The following LIN52 variants were observed in gnomAD, a reference collection of about 807,000 sequenced individuals.
The protein encoded by LIN52 is protein lin-52 homolog.
Under a neutral mutation model 18.5 loss-of-function variants are expected in LIN52, and 4 were observed. The ratio of observed to expected loss-of-function variants is 0.22; its 90% CI spans 0.11 to 0.49. LIN52 has a LOEUF of 0.49. Among genes scored for constraint, LIN52 ranks in the 20% least tolerant of loss-of-function variants. The pLI is 0.97. For missense variants in LIN52, 102 were observed against 139.5 expected (o/e 0.73, Z 1.35); for synonymous variants, 34 against 45.5 (o/e 0.75, Z 1.02).
At chr14:74,129,534 A>T (rs1298450468) in intron 5 of LIN52, among the ~76,000 whole-genome samples, 1 of 152,076 alleles carries the variant, frequency 6.6e-6, no homozygotes, top group Non-Finnish European at 1.5e-5. Context: ...TATATGTTGG[A>T]TCCCAGACTG....
At chr14:74,148,040 A>G (rs11159064) in intron 5 of LIN52, among the ~76,000 whole-genome samples, 141,808 of 152,140 alleles carry the variant, frequency 0.93, 66,280 homozygotes, top group African/African-American at 0.98. Context: ...AAGTTATATG[A>G]GAAAAGAAGA....
intron 5 of LIN52, among the ~76,000 whole-genome samples, chr14:74,176,575 G>C (rs1595187037): frequency 6.6e-6 from 1 of 152,228 alleles, no homozygotes; most frequent in Non-Finnish European, 1.5e-5. Context: ...CAGTAGGTTT[G>C]TTGACACCAG....
chr14:74,152,865 C>T (rs576689372), intron 5 of LIN52, among the ~76,000 whole-genome samples: 13 of 147,206 alleles, frequency 8.8e-5, no homozygotes, highest in African/African-American at 3.3e-4. Flanking sequence ...GTGGCTGAGG[C>T]AGGAGAATTG....
chr14:74,142,210 GA>G (rs1566859576), intron 5 of LIN52, among the ~76,000 whole-genome samples: 1 of 151,918 alleles, frequency 6.6e-6, no homozygotes, highest in African/African-American at 2.4e-5. Flanking sequence ...TTTTTAACTC[GA>G]AGCTCTTTAG....
At chr14:74,189,761 G>A (rs2061355613) in intron 5 of LIN52, among the ~76,000 whole-genome samples, 1 of 152,002 alleles carries the variant, frequency 6.6e-6, no homozygotes, top group Non-Finnish European at 1.5e-5. Context: ...CCTGCTTGAT[G>A]TTTTATATTC....
intron 1 of LIN52, among the ~76,000 whole-genome samples, chr14:74,086,934 A>G (rs2060736485): frequency 6.8e-6 from 1 of 146,650 alleles, no homozygotes; most frequent in South Asian, 2.5e-4. Flanking sequence ...ATTTATGTAT[A>G]TTTCACCACA....
intron 5 of LIN52, among the ~76,000 whole-genome samples, chr14:74,166,776 C>T (rs1400828628): frequency 6.6e-6 from 1 of 152,092 alleles, no homozygotes; most frequent in Non-Finnish European, 1.5e-5. Context: ...GATTGCAATT[C>T]ACTTGGGAAA....
rs2078877121 is a variant in LIN52 at position 74,191,660 on chromosome 14, G to A, written c.284-7262G>A. 2.0e-5 allele frequency among the ~76,000 whole-genome samples: 3 copies of A among 148,198 alleles called. No homozygotes were observed. The South Asian group carries it at 6.4e-4, about 31-fold the overall frequency. Reference sequence around the variant, plus strand: ...TTCTTTTTTTTTTTTTTGAGATGGAGCCTTGCTCTGTCGTCCAGGCCGGAG... The same window carrying A: ...TTCTTTTTTTTTTTTTTGAGATGGAACCTTGCTCTGTCGTCCAGGCCGGAG... On this transcript the variant is annotated intron_variant, in intron 5 of 5. Transcript: ENST00000555028.
intron 1 of LIN52, among the ~76,000 whole-genome samples, chr14:74,087,485 C>A (rs1408947423): frequency 6.6e-6 from 1 of 150,974 alleles, no homozygotes; most frequent in African/African-American, 2.4e-5. Flanking sequence ...TTTATTTGCA[C>A]TCTTGATTTT....
intron 2 of LIN52, among the ~76,000 whole-genome samples, chr14:74,093,249 C>CA (rs2060785133): frequency 6.6e-6 from 1 of 151,340 alleles, no homozygotes; most frequent in South Asian, 2.1e-4. Context: ...AGCCAGCCCC[C>CA]AAAACTACAT....
At chr14:74,198,423 G>A (rs1343621674) in intron 5 of LIN52, among the ~76,000 whole-genome samples, 1 of 152,194 alleles carries the variant, frequency 6.6e-6, no homozygotes, top group African/African-American at 2.4e-5. Flanking sequence ...GAACTGCACT[G>A]AGGGAATATA....
Position 74,091,258 on chromosome 14 carries a change from A to C in LIN52, c.46A>C (p.Ser16Arg). 6.2e-7 allele frequency: 1 copy of C among 1,611,818 alleles called. No homozygotes were observed. Among genetic ancestry groups the C allele is most frequent in the South Asian group, 1.1e-5 (1 of 90,930 alleles). Residue 16 changes from serine to arginine, a missense_variant, in exon 2 of 6, where the codon AGT becomes CGT. Physicochemically the swap from Ser to Arg is moderately radical, Grantham distance 110. Transcript: ENST00000555028. ...GACAGATCTGGAAGCATCTTTGCTAAGTTTTGAAAAACTTGACCGTGCCTC... is the reference window on the plus strand; with the variant it reads ...GACAGATCTGGAAGCATCTTTGCTACGTTTTGAAAAACTTGACCGTGCCTC... ...DGTDLEASLLSFEKLDRASPD... is the reference protein window; with the variant it reads ...DGTDLEASLLRFEKLDRASPD...
chr14:74,179,406 T>A (rs143100240), intron 5 of LIN52, among the ~76,000 whole-genome samples: 4 of 152,114 alleles, frequency 2.6e-5, no homozygotes, highest in African/African-American at 4.8e-5. Flanking sequence ...ATGCCTGTAA[T>A]CCCAACACTT....
intron 5 of LIN52, among the ~76,000 whole-genome samples, chr14:74,187,177 G>GA (rs1191753648): frequency 2.0e-5 from 3 of 152,184 alleles, no homozygotes; most frequent in East Asian, 1.9e-4. Flanking sequence ...CCATTTTACA[G>GA]AAAAAACCAA....
rs1264025759 is a variant in LIN52, at chr14:74,201,390, C to A, written c.*2413C>A. Among the ~76,000 whole-genome samples, 1 of 152,116 alleles carries A rather than the reference C, an allele frequency of 6.6e-6. No homozygotes were observed. On this transcript the variant is annotated 3_prime_UTR_variant, in exon 6 of 6. Coordinates refer to ENST00000555028, the MANE Select transcript of LIN52 (RefSeq NM_001024674.3). ...TTACAGTCATCTACTTGGTCTCCTG[C>A]CTTCCATTCTATCCTACCACTGCCC...
chr14:74,098,764 T>A (rs1156508416), intron 4 of LIN52, among the ~76,000 whole-genome samples: 4 of 152,000 alleles, frequency 2.6e-5, no homozygotes, highest in Non-Finnish European at 4.4e-5. Flanking sequence ...GCCAGGCTGG[T>A]CTCAAACTCC....
intron 5 of LIN52, among the ~76,000 whole-genome samples, chr14:74,191,743 C>T (rs2078877951): frequency 6.6e-6 from 1 of 151,922 alleles, no homozygotes; most frequent in Non-Finnish European, 1.5e-5. Context: ...ACGCCATTCT[C>T]CTGCCTCAGC....
chr14:74,154,288 T>C (rs948389679), intron 5 of LIN52, among the ~76,000 whole-genome samples: 3 of 152,180 alleles, frequency 2.0e-5, no homozygotes, highest in Admixed American at 6.5e-5. Flanking sequence ...GTCCCTCAGT[T>C]GGGATTTGTC....
At chr14:74,127,294 C>G (rs534048422) in intron 5 of LIN52, among the ~76,000 whole-genome samples, 1 of 152,230 alleles carries the variant, frequency 6.6e-6, no homozygotes, top group Non-Finnish European at 1.5e-5. Context: ...AGGGATGGGT[C>G]TCCTGAGAAA....
Sources: gnomAD v4.1 joint callset for allele counts (sites outside exome capture counted in the v4.1 genomes callset) on GRCh38, gnomAD v4.1.1 for gene constraint, MANE v1.5 for transcripts, NCBI Gene and HGNC (gene_info 2026-07-23, HGNC 2026-07-21) for gene names.